The following MYRIP variants were observed in gnomAD, a reference collection of about 807,000 sequenced individuals.
The protein encoded by MYRIP is rab effector MyRIP.
MYRIP carries 49 observed loss-of-function variants against 98.0 expected under a neutral mutation model. The observed-to-expected ratio is 0.50, with a 90% CI of 0.40 to 0.63. The LOEUF (loss-of-function observed/expected upper bound fraction) is 0.63. MYRIP is among the 30% of genes least tolerant of loss of function. The pLI is 0.00. For synonymous variants in MYRIP, 404 were observed against 409.5 expected (o/e 0.99, Z 0.16); for missense variants, 1,004 against 1,058.2 (o/e 0.95, Z 0.71).
chr3:40,087,847 C>A (rs762376813), intron 3 of MYRIP, among the ~76,000 whole-genome samples: 8 of 152,164 alleles, frequency 5.3e-5, no homozygotes, highest in Non-Finnish European at 1.2e-4. Flanking sequence ...GAAGACTGCA[C>A]TAGGGATTAT....
chr3:40,231,478 G>C (rs1952656987), intron 11 of MYRIP, among the ~76,000 whole-genome samples: 1 of 152,176 alleles, frequency 6.6e-6, no homozygotes, highest in South Asian at 2.1e-4. Flanking sequence ...TATCTCACAG[G>C]AGGTATTCCA....
At chr3:40,254,509 T>C (rs947792431) in intron 16 of MYRIP, among the ~76,000 whole-genome samples, 3 of 152,082 alleles carry the variant, frequency 2.0e-5, no homozygotes, top group African/African-American at 7.2e-5. Flanking sequence ...TGACTGCACC[T>C]GTAAAGATAA....
chr3:40,104,676 A>G (rs1412665347), intron 3 of MYRIP, among the ~76,000 whole-genome samples: 1 of 152,248 alleles, frequency 6.6e-6, no homozygotes, highest in African/African-American at 2.4e-5. Flanking sequence ...TTCCTGGCAC[A>G]GCAGGTGCAC....
chr3:39,997,664 A>C (rs1946398927), intron 2 of MYRIP, among the ~76,000 whole-genome samples: 1 of 152,176 alleles, frequency 6.6e-6, no homozygotes, highest in Non-Finnish European at 1.5e-5. Context: ...AAAAGAGGGA[A>C]TCCTCCCTAA....
At chr3:39,855,292 A>G (rs1942252678) in intron 1 of MYRIP, among the ~76,000 whole-genome samples, 1 of 152,142 alleles carries the variant, frequency 6.6e-6, no homozygotes, top group Non-Finnish European at 1.5e-5. Flanking sequence ...GGTGTTTTCA[A>G]GAGAGCATGA....
At chr3:40,012,547 G>T (rs532778471) in intron 2 of MYRIP, among the ~76,000 whole-genome samples, 1 of 152,224 alleles carries the variant, frequency 6.6e-6, no homozygotes, top group South Asian at 2.1e-4. Context: ...TTCTGAATGT[G>T]CCTGTGAGGG....
intron 1 of MYRIP, among the ~76,000 whole-genome samples, chr3:39,859,555 G>A (rs1364354073): frequency 6.6e-6 from 1 of 152,196 alleles, no homozygotes; most frequent in Non-Finnish European, 1.5e-5. Context: ...ACTAGAGCAA[G>A]ATGGGGACAT....
At chr3:39,998,371 A>C (rs551799267) in intron 2 of MYRIP, among the ~76,000 whole-genome samples, 18 of 152,222 alleles carry the variant, frequency 1.2e-4, no homozygotes, top group Non-Finnish European at 2.4e-4. Flanking sequence ...AATCACAAGC[A>C]TTCTTATACA....
chr3:39,822,486 G>T (rs1941132870), intron 1 of MYRIP, among the ~76,000 whole-genome samples: 2 of 151,464 alleles, frequency 1.3e-5, no homozygotes, highest in African/African-American at 2.4e-5. Context: ...TTTCTCATCA[G>T]CTCTCATTAG....
intron 2 of MYRIP, among the ~76,000 whole-genome samples, chr3:39,982,830 C>T (rs1349890108): frequency 6.6e-6 from 1 of 152,076 alleles, no homozygotes; most frequent in Admixed American, 6.6e-5. Context: ...AAGACTATAT[C>T]GTGGTACATT....
chr3:39,950,780 T>C (rs938604842), intron 2 of MYRIP, among the ~76,000 whole-genome samples: 1 of 152,188 alleles, frequency 6.6e-6, no homozygotes, highest in Non-Finnish European at 1.5e-5. Context: ...CCACATTTAA[T>C]CTATATTATA....
rs997075517 is a variant in MYRIP, at chr3:39,988,704, C to T, written c.111-55346C>T. 2.0e-5 allele frequency among the ~76,000 whole-genome samples: 3 copies of T among 151,380 alleles called. No individual in the cohort carries two copies. In the East Asian group the frequency reaches 5.8e-4, roughly 29 times the overall value. On this transcript the variant is annotated intron_variant, in intron 2 of 16. Coordinates refer to ENST00000302541, the MANE Select transcript of MYRIP (RefSeq NM_015460.4). The stretch of plus-strand genomic sequence containing the variant: ...TCCCATATTTCTCGGAGGTTTTGCT[C>T]ATTCCTTTTCATTTCTTTTTTCTCT...
intron 1 of MYRIP, among the ~76,000 whole-genome samples, chr3:39,826,256 G>C (rs1426941385): frequency 6.6e-6 from 1 of 151,570 alleles, no homozygotes; most frequent in East Asian, 1.9e-4. Context: ...ACATCGTTAG[G>C]TTATTTATTT....
chr3:40,250,306 G>T lies in MYRIP; in HGVS notation c.2347G>T (p.Asp783Tyr). 1 of 1,614,086 alleles carries T rather than the reference G, an allele frequency of 6.2e-7. No individual in the cohort carries two copies. Among genetic ancestry groups the T allele is most frequent in the South Asian group, 1.1e-5 (1 of 91,084 alleles). ...ATGTGTGCGCTTCACAAGAAGACGGGATCAGAAGCAAAGGACCCAGGTGTG... is the reference window on the plus strand; with the variant it reads ...ATGTGTGCGCTTCACAAGAAGACGGTATCAGAAGCAAAGGACCCAGGTGTG... ...APCVRFTRRR[D>Y]QKQRTQVQTI... Residue 783 changes from aspartate (D) to tyrosine (Y), a missense_variant, in exon 14 of 17, where the codon GAT (aspartate) becomes TAT (tyrosine). Asp to Tyr is a radical substitution (Grantham distance 160). This residue lies in a region of MYRIP where 108 missense variants were observed against 111.1 expected (regional missense o/e 0.97). Coordinates refer to ENST00000302541, the MANE Select transcript of MYRIP (RefSeq NM_015460.4).
At chr3:40,215,611 T>C (rs1952095068) in intron 11 of MYRIP, among the ~76,000 whole-genome samples, 1 of 152,166 alleles carries the variant, frequency 6.6e-6, no homozygotes, top group African/African-American at 2.4e-5. Flanking sequence ...AAAAAATTTG[T>C]TGATGTCATG....
intron 2 of MYRIP, among the ~76,000 whole-genome samples, chr3:39,991,003 G>A (rs1168488569): frequency 6.6e-6 from 1 of 152,292 alleles, no homozygotes; most frequent in Middle Eastern, 3.4e-3. Flanking sequence ...CTGTCGGGGA[G>A]TGTGGGGCTA....
At chr3:40,139,238 TG>T (rs1949844491) in intron 3 of MYRIP, among the ~76,000 whole-genome samples, 1 of 152,224 alleles carries the variant, frequency 6.6e-6, no homozygotes, top group South Asian at 2.1e-4. Context: ...TTATCCTTTT[TG>T]GGGGCTAAAC....
At chr3:40,176,335 T>G (rs1950756839) in intron 8 of MYRIP, among the ~76,000 whole-genome samples, 1 of 152,246 alleles carries the variant, frequency 6.6e-6, no homozygotes, top group Non-Finnish European at 1.5e-5. Flanking sequence ...CACCAGTGCC[T>G]AGTGGTGACT....
intron 2 of MYRIP, among the ~76,000 whole-genome samples, chr3:39,960,299 A>G (rs1304303475): frequency 1.3e-5 from 2 of 152,102 alleles, no homozygotes; most frequent in African/African-American, 4.8e-5. Context: ...CCCAAAGCCC[A>G]TCATATCCAA....
Sources: gnomAD v4.1 joint callset for allele counts (sites outside exome capture counted in the v4.1 genomes callset) on GRCh38, gnomAD v4.1.1 for gene constraint, gnomAD v4.1.1 regional missense constraint, MANE v1.5 for transcripts, NCBI Gene and HGNC (gene_info 2026-07-23, HGNC 2026-07-21) for gene names.